Variants in GRB10 observed in about 807,000 individuals in gnomAD.
The protein encoded by GRB10 is growth factor receptor-bound protein 10.
GRB10 carries 20 observed loss-of-function variants against 80.9 expected under a neutral mutation model. The observed-to-expected ratio is 0.25, with a 90% CI of 0.17 to 0.36. The LOEUF (loss-of-function observed/expected upper bound fraction) is 0.36, where lower values mean the gene tolerates loss of function less well. GRB10 is among the 10% of genes least tolerant of loss of function. The pLI, the probability that GRB10 is intolerant of heterozygous loss-of-function variation, is 1.00. For synonymous variants in GRB10, 291 were observed against 291.5 expected, an observed-to-expected ratio of 1.00 and a Z score of 0.02; for missense variants, 548 against 747.7, an observed-to-expected ratio of 0.73 and a Z score of 3.12.
intron 5 of GRB10, among the ~76,000 whole-genome samples, chr7:50,694,804 C>T (rs2153661296): frequency 6.6e-6 from 1 of 152,276 alleles, no homozygotes; most frequent in Middle Eastern, 3.4e-3. Flanking sequence ...ATTTATATTA[C>T]TTTTTTTCCA....
chr7:50,696,131 G>T (rs1325123192), intron 5 of GRB10, among the ~76,000 whole-genome samples: 1 of 152,124 alleles, frequency 6.6e-6, no homozygotes, highest in Non-Finnish European at 1.5e-5. Context: ...TATTCTAGGG[G>T]AATATGCTAT....
chr7:50,755,049 T>G (rs2074845380), intron 3 of GRB10, among the ~76,000 whole-genome samples: 1 of 152,218 alleles, frequency 6.6e-6, no homozygotes, highest in Admixed American at 6.5e-5. Flanking sequence ...GCTGTCACCT[T>G]GACCTCAGAC....
intron 10 of GRB10, chr7:50,617,752 T>A: frequency 2.3e-6 from 1 of 439,946 alleles, no homozygotes; most frequent in East Asian, 4.6e-5. Context: ...GAGGGAGCCC[T>A]GAGACTGGGG....
intron 14 of GRB10, 31 bp from the exon 15 acceptor site, chr7:50,605,437 G>C: frequency 1.3e-6 from 2 of 1,550,568 alleles, no homozygotes; most frequent in Non-Finnish European, 1.8e-6. Context: ...TTCTTAAAAT[G>C]CAGGGAAATA....
At chr7:50,786,974 G>C (rs979928023), upstream of GRB10, among the ~76,000 whole-genome samples, 4 of 152,156 alleles carry the variant, frequency 2.6e-5, no homozygotes, top group African/African-American at 4.8e-5. Flanking sequence ...ACACAACTCT[G>C]TAAGTTTGGA....
At chr7:50,641,486 T>A (rs566093333) in intron 7 of GRB10, among the ~76,000 whole-genome samples, 1 of 152,270 alleles carries the variant, frequency 6.6e-6, no homozygotes, top group African/African-American at 2.4e-5. Flanking sequence ...GACACATTCA[T>A]GAGAGCTGTG....
At chr7:50,611,273 A>C (rs2153576114) in intron 13 of GRB10, among the ~76,000 whole-genome samples, 1 of 152,316 alleles carries the variant, frequency 6.6e-6, no homozygotes, top group Admixed American at 6.5e-5. Flanking sequence ...TTTAATTGTT[A>C]GTAATTTTTC....
intron 5 of GRB10, among the ~76,000 whole-genome samples, chr7:50,679,852 G>A (rs2061361950): frequency 6.6e-6 from 1 of 152,204 alleles, no homozygotes; most frequent in African/African-American, 2.4e-5. Context: ...TTTTCCACTA[G>A]ACCATGTTCA....
intron 4 of GRB10, among the ~76,000 whole-genome samples, chr7:50,732,033 G>A (rs1215345545): frequency 1.3e-5 from 2 of 152,226 alleles, no homozygotes; most frequent in African/African-American, 4.8e-5. Flanking sequence ...TTTTAGAAAA[G>A]TACGCACAGT....
At chr7:50,691,230 G>A (rs572854908) in intron 5 of GRB10, among the ~76,000 whole-genome samples, 27 of 152,256 alleles carry the variant, frequency 1.8e-4, no homozygotes, top group African/African-American at 5.8e-4. Context: ...CTGAACGATC[G>A]AGGAATCAAA....
chr7:50,723,882 T>C (rs6943153), intron 4 of GRB10, among the ~76,000 whole-genome samples: 86,278 of 151,928 alleles, frequency 0.57, 26,893 homozygotes, highest in Middle Eastern at 0.8. Context: ...AGGTGGGAGG[T>C]AGGTCACACT....
chr7:50,749,538 A>G (rs190076926), intron 3 of GRB10, among the ~76,000 whole-genome samples: 41 of 152,314 alleles, frequency 2.7e-4, no homozygotes, highest in African/African-American at 4.6e-4. Flanking sequence ...CACTCATCCT[A>G]TATTACCAGA....
intron 7 of GRB10, among the ~76,000 whole-genome samples, chr7:50,648,142 G>A (rs770004073): frequency 2.0e-5 from 3 of 152,052 alleles, no homozygotes; most frequent in African/African-American, 4.8e-5. Flanking sequence ...GGGAGGGAGC[G>A]CAGAGAGGGG....
intron 17 of GRB10, among the ~76,000 whole-genome samples, chr7:50,599,089 G>A (rs1206581900): frequency 6.6e-6 from 1 of 152,186 alleles, no homozygotes; most frequent in African/African-American, 2.4e-5. Context: ...GGGCATGGGT[G>A]GCAAGACAGG....
chr7:50,666,341 C>A (rs940812062), intron 7 of GRB10, among the ~76,000 whole-genome samples: 1 of 152,184 alleles, frequency 6.6e-6, no homozygotes, highest in Non-Finnish European at 1.5e-5. Flanking sequence ...GCAGAGAGCT[C>A]AGAGGGAGGC....
intron 3 of GRB10, among the ~76,000 whole-genome samples, chr7:50,736,038 G>A (rs1310874576): frequency 1.3e-5 from 2 of 151,576 alleles, no homozygotes; most frequent in Admixed American, 6.6e-5. Flanking sequence ...TGTAAACCTA[G>A]CACTTTGGAG....
intron 17 of GRB10, 66 bp downstream of exon 17, chr7:50,603,932 C>T (rs1314244162): frequency 7.9e-7 from 1 of 1,267,088 alleles, no homozygotes; most frequent in Non-Finnish European, 1.2e-6. Flanking sequence ...AGGAATTAAA[C>T]AGAACAGATC....
chr7:50,604,467 T>C, intron 15 of GRB10, 90 bp from the exon 16 acceptor site: 1 of 1,093,580 alleles, frequency 9.1e-7, no homozygotes, highest in Non-Finnish European at 1.4e-6. Context: ...GGCCACTGGG[T>C]GGGGTGCCTG....
At chr7:50,599,765 T>C (rs773518047) in intron 17 of GRB10, among the ~76,000 whole-genome samples, 6 of 151,922 alleles carry the variant, frequency 3.9e-5, no homozygotes, top group Non-Finnish European at 5.9e-5. Flanking sequence ...CCGAGAAAAA[T>C]TGAAAGACAA....
Sources: gnomAD v4.1 joint callset for allele counts (sites outside exome capture counted in the v4.1 genomes callset) on GRCh38, gnomAD v4.1.1 for gene constraint, MANE v1.5 for transcripts, NCBI Gene and HGNC (gene_info 2026-07-23, HGNC 2026-07-21) for gene names.